ARID1B: variants seen among roughly 807,000 people sequenced by gnomAD.
ARID1B encodes AT-rich interactive domain-containing protein 1B.
A neutral mutation model predicts 212.3 loss-of-function variants in ARID1B; 30 were observed. The ratio of observed to expected loss-of-function variants is 0.14; its 90% CI spans 0.11 to 0.19. The LOEUF (loss-of-function observed/expected upper bound fraction) is 0.19, where lower values mean the gene tolerates loss of function less well. Among genes scored for constraint, ARID1B ranks in the 10% least tolerant of loss-of-function variants. The pLI is 1.00. For missense variants in ARID1B, 2,891 were observed against 3,204.0 expected (o/e 0.90, Z 2.36); for synonymous variants, 1,402 against 1,301.7 (o/e 1.08, Z -1.66).
At chr6:157,063,118 TC>T (rs1783456368) in intron 4 of ARID1B, among the ~76,000 whole-genome samples, 1 of 150,592 alleles carries the variant, frequency 6.6e-6, no homozygotes, top group Non-Finnish European at 1.5e-5. Flanking sequence ...TGGTGGCTTT[TC>T]CCTTTTTTTT....
At chr6:157,044,399 A>C (rs1782086066) in intron 4 of ARID1B, among the ~76,000 whole-genome samples, 2 of 152,116 alleles carry the variant, frequency 1.3e-5, no homozygotes, top group South Asian at 4.1e-4. Flanking sequence ...TCTGTATTTC[A>C]CTTCCCTCAT....
intron 4 of ARID1B, among the ~76,000 whole-genome samples, chr6:156,963,811 A>G (rs1794561724): frequency 6.6e-6 from 1 of 152,232 alleles, no homozygotes; most frequent in African/African-American, 2.4e-5. Context: ...ATCTTGCACA[A>G]CAGAAATTTT....
intron 8 of ARID1B, chr6:157,166,104 A>G (rs1443313127): frequency 2.0e-5 from 3 of 152,222 alleles, no homozygotes; most frequent in Admixed American, 6.5e-5. Flanking sequence ...CTTGACTACA[A>G]TGGTGGACTC....
intron 4 of ARID1B, among the ~76,000 whole-genome samples, chr6:156,978,158 C>G (rs994935527): frequency 6.6e-6 from 1 of 152,196 alleles, no homozygotes; most frequent in Non-Finnish European, 1.5e-5. Flanking sequence ...CTGTCTCTTA[C>G]GCTTCCCTGA....
intron 2 of ARID1B, among the ~76,000 whole-genome samples, chr6:156,841,615 C>T (rs1226868237): frequency 6.6e-6 from 1 of 152,136 alleles, no homozygotes; most frequent in Non-Finnish European, 1.5e-5. Context: ...GGATGTTCTC[C>T]TTTAATCCCT....
In ARID1B at chr6:156,935,548, T is replaced by C. The variant is rs746327988; in HGVS notation, c.2219T>C (p.Ile740Thr). 1.2e-6 allele frequency: 2 copies of C among 1,613,358 alleles called. No individual in the cohort carries two copies. Among genetic ancestry groups the C allele is most frequent in the Non-Finnish European group, 1.7e-6 (2 of 1,179,312 alleles). ...CCTAACCATGAAGACTTGAACTTAA[T>C]ACAGCAAGAAAGACCATCAAGTTTA... ...GKPNHEDLNL[I>T]QQERPSSLPD... Residue 740 changes from isoleucine (I) to threonine (T), a missense_variant, in exon 4 of 20, where the codon ATA (isoleucine) becomes ACA (threonine). Physicochemically the swap from Ile to Thr is moderately conservative, Grantham distance 89. Around this residue, in one of 7 missense-constraint regions of ARID1B, gnomAD observed 1,643 missense variants for 1,544.0 expected, o/e 1.06. Coordinates refer to ENST00000636930, the MANE Select transcript of ARID1B (RefSeq NM_001374828.1).
At chr6:157,015,098 G>A (rs527252585) in intron 4 of ARID1B, among the ~76,000 whole-genome samples, 1 of 152,256 alleles carries the variant, frequency 6.6e-6, no homozygotes, top group East Asian at 1.9e-4. Flanking sequence ...TGCCCTGCAC[G>A]TCGTAGCTAC....
Position 157,207,780 on chromosome 6 carries a change from G to A in ARID1B, c.7008G>A (p.Ser2336=), listed in dbSNP as rs745389580. The A allele has an allele frequency of 8.3e-6, 13 of 1,568,046 alleles. No individual in the cohort carries two copies. Among genetic ancestry groups the A allele is most frequent in the East Asian group, 6.8e-5 (3 of 44,132 alleles). Residue 2336 remains serine (S), a synonymous_variant, in exon 20 of 20, where the codon TCG becomes TCA. Transcript: ENST00000636930. This position sits in a 1 kb window ranked among gnomAD's most constrained non-coding sequence, Gnocchi z 8.5. The part of the protein sequence containing the change: ...LAMARVDENR[S]EFLLHEGRLL... ...TGGCCAGAGTGGACGAAAACCGCTC[G>A]GAATTCCTTTTGCACGAGGGCCGGT...
intron 2 of ARID1B, among the ~76,000 whole-genome samples, chr6:156,883,419 G>A (rs148156507): frequency 2.1e-3 from 317 of 152,220 alleles, no homozygotes; most frequent in African/African-American, 7.3e-3. Context: ...CCTTGTCTTC[G>A]TGACAATTTA....
chr6:156,822,763 C>T (rs954815439), intron 1 of ARID1B, among the ~76,000 whole-genome samples: 1 of 152,120 alleles, frequency 6.6e-6, no homozygotes, highest in Non-Finnish European at 1.5e-5. Context: ...CTGGGTGGTG[C>T]CACTGGCATG....
chr6:156,981,632 A>G (rs973186797), intron 4 of ARID1B, among the ~76,000 whole-genome samples: 2 of 151,858 alleles, frequency 1.3e-5, no homozygotes, highest in Non-Finnish European at 2.9e-5. Flanking sequence ...TGTCTTTCCC[A>G]CTCTTCAATG....
At chr6:157,051,310 A>G (rs1336641898) in intron 4 of ARID1B, among the ~76,000 whole-genome samples, 1 of 152,252 alleles carries the variant, frequency 6.6e-6, no homozygotes, top group East Asian at 1.9e-4. Flanking sequence ...AGTGAAATAA[A>G]GGAAAATGTG....
At position 157,207,078 on chromosome 6, in the gene ARID1B, T is replaced by C; in HGVS notation, c.6306T>C (p.Ile2102=). The C allele has an allele frequency of 6.2e-7, 1 of 1,614,140 alleles. No individual in the cohort carries two copies. The highest frequency in any genetic ancestry group is 1.3e-5 in the African/African-American group (1 of 75,028). The change falls in exon 20 of 20, where the codon ATT becomes ATC. Residue 2102 remains isoleucine, a synonymous_variant. Coordinates refer to ENST00000636930, the MANE Select transcript of ARID1B (RefSeq NM_001374828.1). The surrounding 1 kb of genome is among the most constrained non-coding windows in gnomAD (Gnocchi z 8.5). ...PGLVLILGKL[I]LLHHEHPERK... is the part of the protein sequence containing the mutation. ...TGGTGCTGATCCTGGGGAAGCTGAT[T>C]CTTCTTCACCACGAGCATCCAGAGA...
intron 3 of ARID1B, among the ~76,000 whole-genome samples, chr6:156,907,427 TTAAGTATCAAA>T (rs1330978873): frequency 6.6e-6 from 1 of 152,218 alleles, no homozygotes; most frequent in East Asian, 1.9e-4. Context: ...AAATTACCTT[TTAAGTATCAAA>T]TGAAACTCAC....
At chr6:156,992,762 G>A (rs1225880843) in intron 4 of ARID1B, among the ~76,000 whole-genome samples, 2 of 152,148 alleles carry the variant, frequency 1.3e-5, no homozygotes, top group Non-Finnish European at 2.9e-5. Context: ...GTCCCAGTGG[G>A]TTGCAGGCAC....
intron 5 of ARID1B, among the ~76,000 whole-genome samples, chr6:157,093,795 G>A (rs1239350106): frequency 6.6e-6 from 1 of 152,174 alleles, no homozygotes; most frequent in Non-Finnish European, 1.5e-5. Context: ...GATATACCAG[G>A]AGATATCCTG....
At chr6:157,189,439 C>G (rs1328246431) in intron 13 of ARID1B, among the ~76,000 whole-genome samples, 1 of 152,178 alleles carries the variant, frequency 6.6e-6, no homozygotes, top group African/African-American at 2.4e-5. Context: ...TACTCAAAAA[C>G]TTCTTTACTA....
At chr6:156,996,972 C>T (rs966749611) in intron 4 of ARID1B, among the ~76,000 whole-genome samples, 4 of 148,984 alleles carry the variant, frequency 2.7e-5, no homozygotes, top group South Asian at 2.1e-4. Context: ...GGGAAAAAAA[C>T]GTGTGTTATT....
intron 4 of ARID1B, among the ~76,000 whole-genome samples, chr6:157,078,374 C>A (rs1437304271): frequency 6.6e-6 from 1 of 152,040 alleles, no homozygotes; most frequent in Non-Finnish European, 1.5e-5. Context: ...ATTCTATATA[C>A]CCAAAAAAAG....
Sources: allele counts gnomAD v4.1 joint callset (sites outside exome capture counted in the v4.1 genomes callset), GRCh38; gene constraint gnomAD v4.1.1; regional missense constraint gnomAD v4.1.1; non-coding constraint Gnocchi (gnomAD v3.1); transcripts MANE v1.5; gene names NCBI Gene and HGNC (gene_info 2026-07-23, HGNC 2026-07-21).